BDNF: variants seen among roughly 807,000 people sequenced by gnomAD.
The protein encoded by BDNF is brain derived neurotrophic factor.
Under a neutral mutation model 19.5 loss-of-function variants are expected in BDNF, and 1 was observed. The ratio of observed to expected loss-of-function variants is 0.05; its 90% confidence interval spans 0.02 to 0.24. BDNF has a LOEUF of 0.24. Ranked by LOEUF, BDNF falls within the 10% of genes least tolerant of loss-of-function variation. The pLI, the probability that BDNF is intolerant of heterozygous loss-of-function variation, is 1.00. For missense variants in BDNF, 195 were observed against 317.6 expected, an observed-to-expected ratio of 0.61 and a Z score of 2.93; for synonymous variants, 100 against 121.6, an observed-to-expected ratio of 0.82 and a Z score of 1.17.
chr11:27,721,480 G>A, exon 1 of BDNF: 7 of 1,578,676 alleles, frequency 4.4e-6, no homozygotes, highest in Non-Finnish European at 6.1e-6. Context: ...ATGCTGGAAG[G>A]TAATGTGTCT....
intron 1 of BDNF, among the ~76,000 whole-genome samples, chr11:27,717,506 C>T (rs368361588): frequency 1.3e-4 from 20 of 152,176 alleles, no homozygotes; most frequent in Non-Finnish European, 2.1e-4. Context: ...GCAGGATGCT[C>T]ATATTCTCAT....
intron 1 of BDNF, among the ~76,000 whole-genome samples, chr11:27,710,437 T>C (rs2134103938): frequency 6.6e-6 from 1 of 152,296 alleles, no homozygotes; most frequent in South Asian, 2.1e-4. Flanking sequence ...GAGTTCTGAG[T>C]TGGTGCAAAG....
intron 1 of BDNF, among the ~76,000 whole-genome samples, chr11:27,681,378 C>T (rs944097746): frequency 1.3e-5 from 2 of 152,148 alleles, no homozygotes; most frequent in Admixed American, 1.3e-4. Flanking sequence ...ATATCTACAA[C>T]TTCCAGCCTA....
intron 1 of BDNF, among the ~76,000 whole-genome samples, chr11:27,687,184 C>T (rs921806357): frequency 6.6e-6 from 1 of 152,154 alleles, no homozygotes; most frequent in Admixed American, 6.6e-5. Flanking sequence ...ATCCTTTCCT[C>T]TGCTTTATCG....
chr11:27,714,160 G>A (rs1251115505), intron 1 of BDNF, among the ~76,000 whole-genome samples: 1 of 152,156 alleles, frequency 6.6e-6, no homozygotes, highest in Non-Finnish European at 1.5e-5. Flanking sequence ...CCCAGGGAAT[G>A]GCTTGCAGTC....
intron 1 of BDNF, among the ~76,000 whole-genome samples, chr11:27,684,050 T>C (rs1335583611): frequency 6.6e-6 from 1 of 152,230 alleles, no homozygotes; most frequent in Non-Finnish European, 1.5e-5. Flanking sequence ...TGGAATGTTC[T>C]TCCATTTGTT....
At chr11:27,716,978 G>T (rs1426877826) in intron 1 of BDNF, among the ~76,000 whole-genome samples, 1 of 152,030 alleles carries the variant, frequency 6.6e-6, no homozygotes, top group Non-Finnish European at 1.5e-5. Flanking sequence ...TCTATTTTGT[G>T]GTCATCCAGT....
intron 1 of BDNF, among the ~76,000 whole-genome samples, chr11:27,718,006 C>A (rs946083009): frequency 3.9e-5 from 6 of 152,050 alleles, no homozygotes; most frequent in African/African-American, 1.4e-4. Context: ...ACAATTTTCT[C>A]GATTCAACTG....
chr11:27,658,938 AAC>A lies in BDNF; in HGVS notation c.-21-355_-21-354del, dbSNP rs1198019155. 5 of 1,134,694 alleles carry A rather than the reference AAC, an allele frequency of 4.4e-6. No individual in the cohort carries two copies. Among genetic ancestry groups the A allele is most frequent in the Non-Finnish European group, 5.5e-6 (5 of 912,788 alleles). The allele number at this position is 1,134,694 out of a possible 1,614,324, so 70.3% of individuals were successfully genotyped here. A position where few individuals can be genotyped will look rare whatever the true frequency, so the allele number is the denominator to read the frequency against. Reference sequence around the variant, plus strand: ...GATCTCTGCTCATGCTGTCACGAGAAACACAAAATCATAAATGTTACTAAGCA... The same window carrying A: ...GATCTCTGCTCATGCTGTCACGAGAAACAAAATCATAAATGTTACTAAGCA... On this transcript the variant is annotated intron_variant, in intron 1 of 1. Coordinates refer to ENST00000356660, the MANE Select transcript of BDNF (RefSeq NM_001709.5). This position sits in a 1 kb window ranked among gnomAD's most constrained non-coding sequence, Gnocchi z 5.7.
At chr11:27,667,665 CAAAG>C (rs1483194542) in intron 1 of BDNF, among the ~76,000 whole-genome samples, 3 of 152,180 alleles carry the variant, frequency 2.0e-5, no homozygotes, top group South Asian at 2.1e-4. Flanking sequence ...TCAAAAGAGA[CAAAG>C]AAGGCCATTA....
chr11:27,678,021 C>CG (rs1427996497), intron 1 of BDNF, among the ~76,000 whole-genome samples: 1 of 152,104 alleles, frequency 6.6e-6, no homozygotes, highest in Non-Finnish European at 1.5e-5. Flanking sequence ...TCCCTGGGAC[C>CG]GGGGGCTGAA....
At chr11:27,681,964 T>C (rs1046106915) in intron 1 of BDNF, among the ~76,000 whole-genome samples, 1 of 152,140 alleles carries the variant, frequency 6.6e-6, no homozygotes, top group Admixed American at 6.6e-5. Flanking sequence ...CTCAGGAATA[T>C]TGTTCCAGGC....
chr11:27,700,967 A>G, upstream of BDNF: 1 of 1,360,004 alleles, frequency 7.4e-7, no homozygotes, highest in Non-Finnish European at 9.8e-7. Context: ...GGCCACAGAC[A>G]CACCTTCCCG....
chr11:27,712,701 G>C (rs1467796699), intron 1 of BDNF, among the ~76,000 whole-genome samples: 1 of 151,758 alleles, frequency 6.6e-6, no homozygotes, highest in Non-Finnish European at 1.5e-5. Flanking sequence ...TTTTGGTAAA[G>C]ACAGGGTTTT....
intron 1 of BDNF, chr11:27,699,678 G>A: frequency 1.4e-6 from 2 of 1,412,654 alleles, no homozygotes; most frequent in Non-Finnish European, 1.8e-6. Flanking sequence ...GCAGCTCCGG[G>A]GAAGGGATGC....
In BDNF at chr11:27,676,480, G is replaced by T. The variant is rs1033399339; in HGVS notation, c.-21-17895C>A. Among the ~76,000 whole-genome samples the T allele has an allele frequency of 2.0e-5, 3 of 152,170 alleles. No homozygotes were observed. In the East Asian group the frequency reaches 5.8e-4, roughly 29 times the overall value. On this transcript the variant is annotated intron_variant, in intron 1 of 1. Coordinates refer to ENST00000356660, the MANE Select transcript of BDNF (RefSeq NM_001709.5). ...AGAATCAACCTTTCTAATGAGAATG[G>T]TAAGGAGTTATGTGGGGATGACCTG...
intron 1 of BDNF, chr11:27,659,400 A>T: frequency 1.0e-6 from 1 of 1,000,370 alleles, no homozygotes. Flanking sequence ...CATTTTAATG[A>T]TGTGTCTATG....
chr11:27,688,250 C>A (rs1226726916), intron 1 of BDNF, among the ~76,000 whole-genome samples: 1 of 152,180 alleles, frequency 6.6e-6, no homozygotes, highest in African/African-American at 2.4e-5. Flanking sequence ...ATGGCGGATG[C>A]CCCTCCCCCG....
intron 1 of BDNF, among the ~76,000 whole-genome samples, chr11:27,672,289 A>G (rs930345200): frequency 2.6e-5 from 4 of 152,206 alleles, no homozygotes; most frequent in African/African-American, 9.6e-5. Flanking sequence ...CAATATAAGC[A>G]TAATTAGCCT....
Sources: allele counts gnomAD v4.1 joint callset (sites outside exome capture counted in the v4.1 genomes callset), GRCh38; gene constraint gnomAD v4.1.1; non-coding constraint Gnocchi (gnomAD v3.1); transcripts MANE v1.5; gene names NCBI Gene and HGNC (gene_info 2026-07-23, HGNC 2026-07-21).